Variants in ACOT7 observed in about 807,000 individuals in gnomAD.
The protein encoded by ACOT7 is acyl-CoA thioesterase 7, also known as cytosolic acyl coenzyme A thioester hydrolase.
In ACOT7, 12 loss-of-function variants were observed where a neutral mutation model predicts 40.2. That is an observed-to-expected ratio of 0.30 (90% CI 0.19 to 0.48). ACOT7 has a LOEUF of 0.48. Ranked by LOEUF, ACOT7 falls within the 20% of genes least tolerant of loss-of-function variation. The pLI is 0.99. For synonymous variants in ACOT7, 228 were observed against 219.5 expected (o/e 1.04, Z -0.34); for missense variants, 395 against 530.8 (o/e 0.74, Z 2.51).
chr1:6,347,099 A>T (rs1161862034), intron 2 of ACOT7, among the ~76,000 whole-genome samples: 3 of 152,124 alleles, frequency 2.0e-5, no homozygotes, highest in African/African-American at 7.2e-5. Context: ...GGAAGGCACC[A>T]CCAGGGGAGT....
intron 1 of ACOT7, among the ~76,000 whole-genome samples, chr1:6,380,078 G>A (rs918843541): frequency 6.6e-6 from 1 of 151,258 alleles, no homozygotes; most frequent in Non-Finnish European, 1.5e-5. Context: ...AGACAACCCA[G>A]TGAGTGGAAA....
intron 6 of ACOT7, among the ~76,000 whole-genome samples, chr1:6,304,851 C>G (rs1441675297): frequency 3.3e-4 from 47 of 140,402 alleles, no homozygotes; most frequent in African/African-American, 1.4e-3. Context: ...ACCTTTCCCC[C>G]CTTTCTATTC....
At chr1:6,344,763 C>CAAAAAAAAAAAAAAAAA (rs58594477) in intron 2 of ACOT7, among the ~76,000 whole-genome samples, 2 of 56,040 alleles carry the variant, frequency 3.6e-5, no homozygotes, top group Non-Finnish European at 4.6e-5. Context: ...GACTCTGTCT[C>CAAAAAAAAAAAAAAAAA]AAAAAAAAAA....
At chr1:6,340,202 G>A (rs1456610111) in intron 2 of ACOT7, among the ~76,000 whole-genome samples, 2 of 152,082 alleles carry the variant, frequency 1.3e-5, no homozygotes, top group Admixed American at 6.5e-5. Context: ...TCCTGACCTC[G>A]TGATCCGCCC....
chr1:6,387,611 T>C (rs1642460914), intron 1 of ACOT7, among the ~76,000 whole-genome samples: 1 of 152,144 alleles, frequency 6.6e-6, no homozygotes, highest in African/African-American at 2.4e-5. Context: ...AGACAGCCTA[T>C]GGGGTCACCC....
Position 6,306,531 on chromosome 1 carries a change from G to A in ACOT7, c.713-11551C>T, listed in dbSNP as rs1394832632. 9.1e-6 allele frequency: 9 copies of A among 985,282 alleles called. No homozygotes were observed. Among genetic ancestry groups the A allele is most frequent in the Admixed American group, 6.2e-5 (1 of 16,258 alleles). The allele number at this position is 985,282 out of a possible 1,614,324, so 61.0% of individuals were successfully genotyped here. On this transcript the variant is annotated intron_variant, in intron 6 of 8. Coordinates refer to ENST00000361521, the MANE Select transcript of ACOT7 (RefSeq NM_007274.4). The surrounding 1 kb of genome is among the most constrained non-coding windows in gnomAD (Gnocchi z 4.3). ...CCCCCGCTGAAGCATCAGGATGGACGTGAAGCTGTTCTTCAGAACAGAAGA... is the reference window on the plus strand; with the variant it reads ...CCCCCGCTGAAGCATCAGGATGGACATGAAGCTGTTCTTCAGAACAGAAGA...
At chr1:6,333,987 G>A (rs1443912658) in intron 3 of ACOT7, among the ~76,000 whole-genome samples, 2 of 152,200 alleles carry the variant, frequency 1.3e-5, no homozygotes, top group African/African-American at 4.8e-5. Flanking sequence ...TCCGGAGCTG[G>A]TCAGCCACAA....
At chr1:6,383,032 C>A (rs115826833) in intron 1 of ACOT7, among the ~76,000 whole-genome samples, 1 of 147,420 alleles carries the variant, frequency 6.8e-6, no homozygotes, top group African/African-American at 2.6e-5. Context: ...GCGTGGGCTA[C>A]CACGCCCAGC....
chr1:6,269,735 G>A (rs1460891799), intron 8 of ACOT7, among the ~76,000 whole-genome samples: 1 of 152,244 alleles, frequency 6.6e-6, no homozygotes, highest in African/African-American at 2.4e-5. Context: ...ATGGATGTGT[G>A]GGAGCCTGAG....
intron 1 of ACOT7, chr1:6,360,794 T>TTCCA: frequency 6.8e-7 from 1 of 1,479,704 alleles, no homozygotes; most frequent in Non-Finnish European, 9.0e-7. Flanking sequence ...TAAGCAACCC[T>TTCCA]TCCAGCTGGT....
Position 6,349,746 on chromosome 1 carries a change from T to C in ACOT7, c.261+3A>G, listed in dbSNP as rs1178690211. 2 of 1,612,204 alleles carry C rather than the reference T, an allele frequency of 1.2e-6. No individual in the cohort carries two copies. Among genetic ancestry groups the C allele is most frequent in the African/African-American group, 1.3e-5 (1 of 74,906 alleles). On this transcript the variant is annotated splice_donor_region_variant and intron_variant, in intron 2 of 8. Transcript: ENST00000361521. Reference sequence around the variant, plus strand: ...CCCAGAGGTATGGGGCCCAGACCCTTACCCCGTTCTGGCTGTTGCAATGCC... The same window carrying C: ...CCCAGAGGTATGGGGCCCAGACCCTCACCCCGTTCTGGCTGTTGCAATGCC...
At chr1:6,290,681 T>C (rs955091484) in intron 7 of ACOT7, among the ~76,000 whole-genome samples, 25 of 152,246 alleles carry the variant, frequency 1.6e-4, no homozygotes, top group African/African-American at 6.0e-4. Flanking sequence ...ACAAAACCGC[T>C]GCCTTCTGGG....
chr1:6,312,912 C>T lies in ACOT7; in HGVS notation c.712+5580G>A, dbSNP rs1327215135. On this transcript the variant is annotated intron_variant, in intron 6 of 8. Transcript: ENST00000361521. Reference sequence around the variant, plus strand: ...TTTTTAATTACATGAGGTGAGCCCACCTGCCAAAACTGCCTGGGAAGGGTG... The same window carrying T: ...TTTTTAATTACATGAGGTGAGCCCATCTGCCAAAACTGCCTGGGAAGGGTG... Among the ~76,000 whole-genome samples, 3 of 152,242 alleles carry T rather than the reference C, an allele frequency of 2.0e-5. No homozygotes were observed. In the East Asian group the frequency reaches 5.8e-4, roughly 29 times the overall value.
At chr1:6,331,985 G>T (rs923190473) in intron 4 of ACOT7, among the ~76,000 whole-genome samples, 9 of 152,180 alleles carry the variant, frequency 5.9e-5, no homozygotes, top group African/African-American at 1.4e-4. Context: ...TGGTGACCGG[G>T]GGGCCACGGG....
At chr1:6,337,781 C>T (rs1273924145) in intron 3 of ACOT7, among the ~76,000 whole-genome samples, 1 of 152,064 alleles carries the variant, frequency 6.6e-6, no homozygotes, top group Non-Finnish European at 1.5e-5. Context: ...TTCAGACCAC[C>T]CTGGCCATCA....
chr1:6,264,788 GTGGGATCTGCCCCACCCC>G lies in ACOT7; in HGVS notation c.1015-111_1015-94del, dbSNP rs1172448824. The G allele has an allele frequency of 3.7e-6, 5 of 1,344,620 alleles. No individual in the cohort carries two copies. The Admixed American group carries it at 1.0e-4, about 27-fold the overall frequency. 83.3% of individuals were successfully genotyped at this position (1,344,620 alleles called of 1,614,324 possible). A position where few individuals can be genotyped will look rare whatever the true frequency, so the allele number is the denominator to read the frequency against. On this transcript the variant is annotated intron_variant, in intron 8 of 8. Coordinates refer to ENST00000361521, the MANE Select transcript of ACOT7 (RefSeq NM_007274.4). ...TGGCCTGGGGCCCTGCCCCCCACCCGTGGGATCTGCCCCACCCCTGGTGCATGCTGAGTACCACGCCTC... is the reference window on the plus strand; with the variant it reads ...TGGCCTGGGGCCCTGCCCCCCACCCGTGGTGCATGCTGAGTACCACGCCTC...
intron 6 of ACOT7, among the ~76,000 whole-genome samples, chr1:6,297,023 A>C (rs1462047353): frequency 2.0e-5 from 3 of 152,142 alleles, no homozygotes; most frequent in Non-Finnish European, 4.4e-5. Context: ...AGTTATGTAC[A>C]TTCACCCTAG....
At position 6,282,839 on chromosome 1, in the gene ACOT7, G is replaced by A. The variant is rs1364675353; in HGVS notation, c.830-1553C>T. ...CCATGCAAAGCGCCCGCAGTCACAA[G>A]ACGCACCCCGGGAGGAGGGCAGGCC... On this transcript the variant is annotated intron_variant, in intron 7 of 8. Transcript: ENST00000361521. This position sits in a 1 kb window ranked among gnomAD's most constrained non-coding sequence, Gnocchi z 4.5. The A allele has an allele frequency of 7.8e-7, 1 of 1,286,352 alleles. No homozygotes were observed. Among genetic ancestry groups the A allele is most frequent in the Non-Finnish European group, 1.0e-6 (1 of 972,668 alleles). 79.7% of individuals were successfully genotyped at this position (1,286,352 alleles called of 1,614,324 possible). A position where few individuals can be genotyped will look rare whatever the true frequency, so the allele number is the denominator to read the frequency against.
chr1:6,329,834 C>T (rs1640906962), intron 4 of ACOT7, among the ~76,000 whole-genome samples: 1 of 152,224 alleles, frequency 6.6e-6, no homozygotes, highest in African/African-American at 2.4e-5. Context: ...GCATCCACCC[C>T]CGACAGCCAC....
Sources: gnomAD v4.1 joint callset for allele counts (sites outside exome capture counted in the v4.1 genomes callset) on GRCh38, gnomAD v4.1.1 for gene constraint, Gnocchi (gnomAD v3.1) non-coding constraint, MANE v1.5 for transcripts, NCBI Gene and HGNC (gene_info 2026-07-23, HGNC 2026-07-21) for gene names.